Variants in CTDSPL2 observed in about 807,000 individuals in gnomAD.
The protein encoded by CTDSPL2 is CTD small phosphatase-like protein 2.
Under a neutral mutation model 60.0 loss-of-function variants are expected in CTDSPL2, and 5 were observed. The ratio of observed to expected loss-of-function variants is 0.08; its 90% CI spans 0.04 to 0.18. The LOEUF (loss-of-function observed/expected upper bound fraction) is 0.18. Ranked by LOEUF, CTDSPL2 falls within the 10% of genes least tolerant of loss-of-function variation. CTDSPL2 has a pLI of 1.00. For missense variants in CTDSPL2, 370 were observed against 548.8 expected, an observed-to-expected ratio of 0.67 and a Z score of 3.26; for synonymous variants, 186 against 189.3, an observed-to-expected ratio of 0.98 and a Z score of 0.14.
At chr15:44,427,833 G>T (rs1259730129) in intron 1 of CTDSPL2, 61 bp downstream of exon 1, 10 of 396,992 alleles carry the variant, frequency 2.5e-5, no homozygotes, top group Non-Finnish European at 4.4e-6. Context: ...CCTCTTCCAG[G>T]GCCGTCTGCC....
chr15:44,504,990 A>G (rs1459120824), intron 8 of CTDSPL2, among the ~76,000 whole-genome samples: 2 of 152,188 alleles, frequency 1.3e-5, no homozygotes, highest in Non-Finnish European at 2.9e-5. Context: ...TAATTTTTTC[A>G]TCATAATTAT....
intron 8 of CTDSPL2, 107 bp downstream of exon 8, chr15:44,499,920 A>G: frequency 1.6e-6 from 1 of 644,112 alleles, no homozygotes; most frequent in Admixed American, 2.5e-5. Context: ...GTTTTTCTGT[A>G]GAAGTATAAT....
chr15:44,456,865 T>C (rs1305694546), intron 1 of CTDSPL2, among the ~76,000 whole-genome samples: 7 of 149,240 alleles, frequency 4.7e-5, no homozygotes, highest in East Asian at 1.9e-4. Flanking sequence ...TTTTTTTTTT[T>C]CTTTTTTTTT....
intron 8 of CTDSPL2, among the ~76,000 whole-genome samples, chr15:44,512,101 A>G (rs2081577629): frequency 6.6e-6 from 1 of 151,854 alleles, no homozygotes; most frequent in African/African-American, 2.4e-5. Context: ...GAAGGCTAAG[A>G]CAGGAGGATC....
At chr15:44,445,589 G>A (rs530524052) in intron 1 of CTDSPL2, among the ~76,000 whole-genome samples, 1 of 151,786 alleles carries the variant, frequency 6.6e-6, no homozygotes, top group Non-Finnish European at 1.5e-5. Context: ...GTTTCTATCA[G>A]AAGTTTAATT....
intron 6 of CTDSPL2, among the ~76,000 whole-genome samples, chr15:44,496,740 A>C (rs1039346717): frequency 1.3e-5 from 2 of 152,178 alleles, no homozygotes; most frequent in African/African-American, 4.8e-5. Flanking sequence ...ACATGCCTGT[A>C]GTCCCAGCTA....
At chr15:44,494,922 A>G (rs958344856) in intron 5 of CTDSPL2, among the ~76,000 whole-genome samples, 2 of 152,160 alleles carry the variant, frequency 1.3e-5, no homozygotes, top group South Asian at 2.1e-4. Flanking sequence ...CCTCAACACA[A>G]ACAAACAAAG....
chr15:44,504,781 G>A (rs191755880), intron 8 of CTDSPL2, among the ~76,000 whole-genome samples: 1 of 152,194 alleles, frequency 6.6e-6, no homozygotes, highest in African/African-American at 2.4e-5. Flanking sequence ...GAGGCAGGAG[G>A]ATTGCTTGAG....
At chr15:44,467,319 C>T (rs1451627727) in intron 2 of CTDSPL2, among the ~76,000 whole-genome samples, 1 of 152,102 alleles carries the variant, frequency 6.6e-6, no homozygotes, top group Non-Finnish European at 1.5e-5. Context: ...TTTTTCTTCA[C>T]TTATTACATT....
At chr15:44,442,641 C>A (rs1371093858) in intron 1 of CTDSPL2, among the ~76,000 whole-genome samples, 1 of 151,464 alleles carries the variant, frequency 6.6e-6, no homozygotes, top group African/African-American at 2.4e-5. Flanking sequence ...TTCTTCTGTC[C>A]CCATTATTTT....
At chr15:44,517,779 G>T (rs1470099260) in intron 10 of CTDSPL2, among the ~76,000 whole-genome samples, 10 of 152,168 alleles carry the variant, frequency 6.6e-5, no homozygotes, top group Admixed American at 6.5e-4. Flanking sequence ...TTTACATGCT[G>T]TATCTGCCTT....
chr15:44,473,386 C>T (rs2080849614), intron 2 of CTDSPL2, among the ~76,000 whole-genome samples: 1 of 152,168 alleles, frequency 6.6e-6, no homozygotes, highest in Non-Finnish European at 1.5e-5. Context: ...AGCTCCACCT[C>T]CCGGGTTCAC....
chr15:44,457,143 C>T (rs781763934), intron 1 of CTDSPL2, among the ~76,000 whole-genome samples: 2 of 152,184 alleles, frequency 1.3e-5, no homozygotes, highest in Admixed American at 1.3e-4. Flanking sequence ...TCCCAAAATG[C>T]TGGGATTACA....
intron 8 of CTDSPL2, among the ~76,000 whole-genome samples, chr15:44,507,762 G>T (rs79293302): frequency 0.018 from 2,711 of 152,316 alleles, 93 homozygotes; most frequent in East Asian, 0.13. Flanking sequence ...AGGTTGCCCA[G>T]TTCTGCCCAA....
At chr15:44,512,863 G>C (rs1443429488) in intron 8 of CTDSPL2, among the ~76,000 whole-genome samples, 3 of 150,932 alleles carry the variant, frequency 2.0e-5, no homozygotes, top group Middle Eastern at 3.6e-3. Flanking sequence ...GAGGCAGGCA[G>C]ATCACTTGAG....
intron 1 of CTDSPL2, among the ~76,000 whole-genome samples, chr15:44,442,751 G>A (rs1046944391): frequency 6.6e-6 from 1 of 152,108 alleles, no homozygotes; most frequent in Middle Eastern, 3.4e-3. Context: ...CAAGATGGGC[G>A]GATCACTTGA....
rs534090225 is a variant in CTDSPL2 at position 44,449,241 on chromosome 15, A to G, written c.-24-9750A>G. On this transcript the variant is annotated intron_variant, in intron 1 of 12. Coordinates refer to ENST00000260327, the MANE Select transcript of CTDSPL2 (RefSeq NM_016396.3). ...GGCATGTTCACTATCAGGATCTTTC[A>G]CTTTCAGTGGTCTTCCACTCAGACT... 5.4e-5 allele frequency: 14 copies of G among 260,952 alleles called. No homozygotes were observed. The East Asian group carries it at 1.5e-3, about 28-fold the overall frequency. 16.2% of individuals were successfully genotyped at this position (260,952 alleles called of 1,614,324 possible). A position where few individuals can be genotyped will look rare whatever the true frequency, so the allele number is the denominator to read the frequency against.
chr15:44,510,655 G>C (rs1475408204), intron 8 of CTDSPL2, among the ~76,000 whole-genome samples: 1 of 152,140 alleles, frequency 6.6e-6, no homozygotes, highest in Non-Finnish European at 1.5e-5. Context: ...GTGGATTAAG[G>C]AAATGTAGAA....
chr15:44,480,360 A>C (rs2081003488), intron 2 of CTDSPL2, among the ~76,000 whole-genome samples: 1 of 151,712 alleles, frequency 6.6e-6, no homozygotes, highest in African/African-American at 2.4e-5. Context: ...TTTCCTTTGC[A>C]CTGGTATATA....
Sources: gnomAD v4.1 joint callset for allele counts (sites outside exome capture counted in the v4.1 genomes callset) on GRCh38, gnomAD v4.1.1 for gene constraint, MANE v1.5 for transcripts, NCBI Gene and HGNC (gene_info 2026-07-23, HGNC 2026-07-21) for gene names.